Variants in SLC68A1 observed in about 807,000 individuals in gnomAD.
The protein encoded by SLC68A1 is solute carrier family 68 member 1, also known as major facilitator superfamily domain containing 13A.
chr10:102,462,425 T>C, the SLC68A1 span, among the ~76,000 whole-genome samples: 1 of 152,160 alleles, frequency 6.6e-6, no homozygotes, highest in East Asian at 1.9e-4. Flanking sequence ...AAATTATGCC[T>C]CTTCTTAGCT....
At chr10:102,465,599 C>G in the SLC68A1 span, among the ~76,000 whole-genome samples, 1 of 152,118 alleles carries the variant, frequency 6.6e-6, no homozygotes, top group African/African-American at 2.4e-5. Context: ...TCAAGGCCAC[C>G]AGCTGGGACC....
chr10:102,471,716 A>C, the SLC68A1 span, among the ~76,000 whole-genome samples: 6 of 151,640 alleles, frequency 4.0e-5, no homozygotes, highest in African/African-American at 1.5e-4. Context: ...CTAAGATGGC[A>C]CCACTGTACT....
the SLC68A1 span, chr10:102,471,174 TCGG>T: frequency 1.0e-5 from 4 of 386,998 alleles, no homozygotes; most frequent in African/African-American, 1.0e-4. Context: ...AAGTCTGATT[TCGG>T]TGCTGGGTCC....
chr10:102,467,597 A>G, the SLC68A1 span, among the ~76,000 whole-genome samples: 1 of 152,176 alleles, frequency 6.6e-6, no homozygotes, highest in Non-Finnish European at 1.5e-5. Context: ...GCCTTGGGAC[A>G]AGATAGGATC....
the SLC68A1 span, among the ~76,000 whole-genome samples, chr10:102,465,666 A>C: frequency 2.4e-4 from 36 of 152,200 alleles, no homozygotes; most frequent in Non-Finnish European, 4.1e-4. Flanking sequence ...TGCAGGTTAC[A>C]GGATTTCTCA....
At chr10:102,472,732 G>A in the SLC68A1 span, 1,889 of 771,900 alleles carry the variant, frequency 2.4e-3, 6 homozygotes, top group Non-Finnish European at 3.7e-3. Flanking sequence ...AAAAAGGCCT[G>A]CTCTCGCTCT....
At chr10:102,472,175 A>T in the SLC68A1 span, 1 of 362,440 alleles carries the variant, frequency 2.8e-6, no homozygotes, top group Non-Finnish European at 5.5e-6. Flanking sequence ...AAAAAAGAAG[A>T]GCTAAGTGCT....
the SLC68A1 span, among the ~76,000 whole-genome samples, chr10:102,464,242 G>A: frequency 1.3e-5 from 2 of 152,266 alleles, no homozygotes; most frequent in Middle Eastern, 3.4e-3. Flanking sequence ...CTTGAGGTCA[G>A]GAGTTCAAGA....
chr10:102,474,399 G>A, the SLC68A1 span, among the ~76,000 whole-genome samples: 2 of 152,122 alleles, frequency 1.3e-5, no homozygotes, highest in Admixed American at 1.3e-4. Context: ...GGTGATGTGA[G>A]ATGGCGTGAC....
the SLC68A1 span, chr10:102,469,743 C>T: frequency 7.2e-5 from 42 of 579,588 alleles, no homozygotes; most frequent in Non-Finnish European, 8.5e-5. Context: ...GACGGGGTTT[C>T]GCCATGTTGG....
At chr10:102,475,366 G>C in the SLC68A1 span, among the ~76,000 whole-genome samples, 2 of 152,172 alleles carry the variant, frequency 1.3e-5, no homozygotes, top group African/African-American at 4.8e-5. Flanking sequence ...AATGGGGACA[G>C]CAGGGACATC....
chr10:102,471,041 G>A, the SLC68A1 span: 4 of 1,613,720 alleles, frequency 2.5e-6, no homozygotes, highest in East Asian at 4.5e-5. Context: ...CTTTCTGGGG[G>A]CCACACAGCT....
the SLC68A1 span, among the ~76,000 whole-genome samples, chr10:102,466,937 CTG>C: frequency 5.3e-5 from 8 of 152,378 alleles, no homozygotes; most frequent in South Asian, 1.7e-3. Flanking sequence ...CACCTCAGCC[CTG>C]TGTGGCGGGC....
the SLC68A1 span, among the ~76,000 whole-genome samples, chr10:102,465,050 T>G: frequency 6.6e-6 from 1 of 151,812 alleles, no homozygotes; most frequent in Non-Finnish European, 1.5e-5. Flanking sequence ...GTCAGGAGTT[T>G]GAGACCAGCC....
the SLC68A1 span, chr10:102,470,942 G>A: frequency 6.2e-7 from 1 of 1,613,374 alleles, no homozygotes; most frequent in Non-Finnish European, 8.5e-7. Context: ...CTCCCTCTCT[G>A]TCTTTGCATC....
At chr10:102,472,452 CG>C in the SLC68A1 span, among the ~76,000 whole-genome samples, 3 of 151,904 alleles carry the variant, frequency 2.0e-5, no homozygotes, top group South Asian at 6.2e-4. Context: ...TTAGTAGAGA[CG>C]GGGTTTCGCC....
chr10:102,471,306 G>C, the SLC68A1 span: 1 of 1,614,016 alleles, frequency 6.2e-7, no homozygotes, highest in Middle Eastern at 1.7e-4. Context: ...TAGGCAGTGA[G>C]GAGGCGGACA....
At chr10:102,470,883 A>G in the SLC68A1 span, 2 of 1,613,096 alleles carry the variant, frequency 1.2e-6, no homozygotes, top group East Asian at 4.5e-5. Context: ...CTCTCAGCCC[A>G]CGACCGCACC....
the SLC68A1 span, chr10:102,470,957 G>T: frequency 1.9e-6 from 3 of 1,613,312 alleles, no homozygotes; most frequent in South Asian, 3.3e-5. Context: ...TGCATCCTAT[G>T]CCTTTTGGAA....
Sources: gnomAD v4.1 joint callset for allele counts (sites outside exome capture counted in the v4.1 genomes callset) on GRCh38, gnomAD v4.1.1 for gene constraint, MANE v1.5 for transcripts, NCBI Gene and HGNC (gene_info 2026-07-23, HGNC 2026-07-21) for gene names.